FAF1: variants seen among roughly 807,000 people sequenced by gnomAD.
FAF1 encodes FAS-associated factor 1.
Under a neutral mutation model 92.5 loss-of-function variants are expected in FAF1, and 25 were observed. That is an observed-to-expected ratio of 0.27 (90% CI 0.20 to 0.38). FAF1 has a LOEUF of 0.38. Among genes scored for constraint, FAF1 ranks in the 10% least tolerant of loss-of-function variants. FAF1 has a pLI of 1.00. For synonymous variants in FAF1, 234 were observed against 273.2 expected, an observed-to-expected ratio of 0.86 and a Z score of 1.42; for missense variants, 636 against 793.3, an observed-to-expected ratio of 0.80 and a Z score of 2.38.
intron 2 of FAF1, among the ~76,000 whole-genome samples, chr1:50,820,512 A>C (rs955618367): frequency 6.6e-6 from 1 of 151,796 alleles, no homozygotes; most frequent in Non-Finnish European, 1.5e-5. Context: ...TGACAAGGAC[A>C]CTTAAGATCT....
chr1:50,502,491 G>T (rs1340990768), intron 15 of FAF1, among the ~76,000 whole-genome samples: 1 of 152,198 alleles, frequency 6.6e-6, no homozygotes, highest in Non-Finnish European at 1.5e-5. Context: ...GGGGGCACAT[G>T]AGCATTCCGA....
At chr1:50,953,400 AAAAT>A (rs1018810652) in intron 1 of FAF1, among the ~76,000 whole-genome samples, 157 of 151,740 alleles carry the variant, frequency 1.0e-3, no homozygotes, top group Middle Eastern at 3.4e-3. Context: ...AAATACTATA[AAAAT>A]AAATAAATAA....
chr1:50,705,255 T>C (rs543715100), intron 7 of FAF1, among the ~76,000 whole-genome samples: 22 of 152,210 alleles, frequency 1.4e-4, no homozygotes, highest in Admixed American at 5.2e-4. Flanking sequence ...GTTGGTCGTG[T>C]TGAAGAAAAT....
intron 1 of FAF1, among the ~76,000 whole-genome samples, chr1:50,916,933 T>C (rs1435288532): frequency 1.3e-5 from 2 of 152,194 alleles, no homozygotes; most frequent in Non-Finnish European, 2.9e-5. Context: ...GCTGTAGTTT[T>C]AATTTTTAAT....
chr1:50,724,731 C>T (rs1031781318), intron 6 of FAF1, among the ~76,000 whole-genome samples: 1 of 152,212 alleles, frequency 6.6e-6, no homozygotes, highest in Non-Finnish European at 1.5e-5. Context: ...CAAGGTCATA[C>T]ATACCACGTT....
At chr1:50,904,542 G>C (rs1644820137) in intron 1 of FAF1, among the ~76,000 whole-genome samples, 1 of 152,116 alleles carries the variant, frequency 6.6e-6, no homozygotes, top group African/African-American at 2.4e-5. Flanking sequence ...CATTATGTAT[G>C]CATGTTTACT....
At chr1:50,601,729 CATATACACACATATATTCAT>C (rs1417961823) in intron 8 of FAF1, among the ~76,000 whole-genome samples, 2 of 140,704 alleles carry the variant, frequency 1.4e-5, no homozygotes, top group East Asian at 2.0e-4. Context: ...TATATATATT[CATATACACACATATATTCAT>C]ATATACACAT....
At chr1:50,624,841 T>C (rs1653416849) in intron 8 of FAF1, among the ~76,000 whole-genome samples, 1 of 151,938 alleles carries the variant, frequency 6.6e-6, no homozygotes, top group Non-Finnish European at 1.5e-5. Context: ...ACCTTCTCCA[T>C]TCAAAGTGAA....
At chr1:50,883,991 G>A (rs149288352) in intron 1 of FAF1, among the ~76,000 whole-genome samples, 1,771 of 152,056 alleles carry the variant, frequency 0.012, 16 homozygotes, top group Non-Finnish European at 0.017. Flanking sequence ...CAGGCATGGT[G>A]GTGCACACCT....
rs1006530637 is a variant in FAF1, at chr1:50,648,579, A to G, written c.744+6863T>C. Among the ~76,000 whole-genome samples, 54 of 152,202 alleles carry G rather than the reference A, an allele frequency of 3.5e-4. 1 individual carries two copies. Among genetic ancestry groups the G allele is most frequent in the African/African-American group, 1.3e-3 (54 of 41,462 alleles). Reference sequence around the variant, plus strand: ...ATAAAAATCTGTACATAAAGGAGCCATTGAAAATAAGTAAGCAAGGCTGAA... The same window carrying G: ...ATAAAAATCTGTACATAAAGGAGCCGTTGAAAATAAGTAAGCAAGGCTGAA... On this transcript the variant is annotated intron_variant, in intron 8 of 18. Coordinates refer to ENST00000396153, the MANE Select transcript of FAF1 (RefSeq NM_007051.3).
intron 4 of FAF1, among the ~76,000 whole-genome samples, chr1:50,749,819 C>T (rs1050786738): frequency 3.3e-5 from 5 of 151,840 alleles, no homozygotes; most frequent in African/African-American, 1.2e-4. Context: ...GATTCTCAGC[C>T]TCAATCTCTT....
chr1:50,665,419 C>T (rs1239845500), intron 7 of FAF1, among the ~76,000 whole-genome samples: 2 of 152,308 alleles, frequency 1.3e-5, no homozygotes, highest in Non-Finnish European at 2.9e-5. Context: ...TTTATCATCA[C>T]ACAAAATCAT....
chr1:50,694,940 C>T (rs578135988), intron 7 of FAF1, among the ~76,000 whole-genome samples: 30 of 151,236 alleles, frequency 2.0e-4, no homozygotes, highest in African/African-American at 5.1e-4. Context: ...CCACCTTTGG[C>T]GACAGAGCGA....
intron 6 of FAF1, among the ~76,000 whole-genome samples, chr1:50,734,534 A>G (rs916017905): frequency 6.6e-6 from 1 of 152,082 alleles, no homozygotes; most frequent in East Asian, 1.9e-4. Flanking sequence ...GGAGATTGAG[A>G]CCATCCTGGC....
chr1:50,922,492 G>A lies in FAF1; in HGVS notation c.45+37275C>T, dbSNP rs1644972784. On this transcript the variant is annotated intron_variant, in intron 1 of 18. Coordinates refer to ENST00000396153, the MANE Select transcript of FAF1 (RefSeq NM_007051.3). ...AAAAAAAAAAAAAAAAGAAAAGAGAGAGAGAAGAGAAGAGAAGAGAAGAAA... is the reference window on the plus strand; with the variant it reads ...AAAAAAAAAAAAAAAAGAAAAGAGAAAGAGAAGAGAAGAGAAGAGAAGAAA... 2.3e-4 allele frequency among the ~76,000 whole-genome samples: 32 copies of A among 136,270 alleles called. 1 individual carries two copies. Among genetic ancestry groups the A allele is most frequent in the African/African-American group, 7.0e-4 (25 of 35,740 alleles). 89.4% of individuals were successfully genotyped at this position (136,270 alleles called of 152,430 possible). A position where few individuals can be genotyped will look rare whatever the true frequency, so the allele number is the denominator to read the frequency against.
At chr1:50,568,151 C>T (rs959863705) in intron 12 of FAF1, among the ~76,000 whole-genome samples, 1 of 152,096 alleles carries the variant, frequency 6.6e-6, no homozygotes, top group African/African-American at 2.4e-5. Context: ...CTTCTTGGTA[C>T]TACCTCAAAG....
intron 7 of FAF1, among the ~76,000 whole-genome samples, chr1:50,668,721 TA>T (rs1655741157): frequency 6.6e-6 from 1 of 152,092 alleles, no homozygotes; most frequent in Non-Finnish European, 1.5e-5. Flanking sequence ...ATTAAGAAAG[TA>T]AAACCCAACC....
chr1:50,852,497 C>T (rs1204965994), intron 2 of FAF1, among the ~76,000 whole-genome samples: 1 of 152,034 alleles, frequency 6.6e-6, no homozygotes, highest in Non-Finnish European at 1.5e-5. Flanking sequence ...TAGAGTAAAG[C>T]ACTACTATGT....
chr1:50,670,063 G>A (rs1248006626), intron 7 of FAF1, among the ~76,000 whole-genome samples: 1 of 151,002 alleles, frequency 6.6e-6, no homozygotes, highest in African/African-American at 2.4e-5. Context: ...GGAGGTTGCG[G>A]TGAGCCGAGA....
Sources: allele counts gnomAD v4.1 joint callset (sites outside exome capture counted in the v4.1 genomes callset), GRCh38; gene constraint gnomAD v4.1.1; transcripts MANE v1.5; gene names NCBI Gene and HGNC (gene_info 2026-07-23, HGNC 2026-07-21).